The following TMCC1 variants were observed in gnomAD, a reference collection of about 807,000 sequenced individuals.
TMCC1 encodes transmembrane and coiled-coil domain family 1.
A neutral mutation model predicts 52.4 loss-of-function variants in TMCC1; 15 were observed. That is an observed-to-expected ratio of 0.29 (90% confidence interval 0.19 to 0.44). The LOEUF (loss-of-function observed/expected upper bound fraction) is 0.44. TMCC1 is among the 20% of genes least tolerant of loss of function. The pLI is 1.00. For missense variants in TMCC1, 503 were observed against 806.0 expected (o/e 0.62, Z 4.55); for synonymous variants, 279 against 301.9 (o/e 0.92, Z 0.79).
intron 2 of TMCC1, among the ~76,000 whole-genome samples, chr3:129,846,867 TAAAAAA>T (rs34419693): frequency 9.6e-5 from 4 of 41,882 alleles, no homozygotes; most frequent in African/African-American, 3.0e-4. Flanking sequence ...CAATCTCTAC[TAAAAAA>T]AAAAAAAAAA....
intron 2 of TMCC1, among the ~76,000 whole-genome samples, chr3:129,877,624 C>CTTT (rs760525326): frequency 2.0e-4 from 25 of 126,930 alleles, no homozygotes; most frequent in East Asian, 5.1e-4. Flanking sequence ...ATCCCTAAGT[C>CTTT]TTTTTTTTTT....
intron 2 of TMCC1, among the ~76,000 whole-genome samples, chr3:129,849,600 T>TA (rs1324056827): frequency 1.3e-5 from 2 of 151,196 alleles, no homozygotes; most frequent in East Asian, 3.9e-4. Flanking sequence ...CCCTCTCAAC[T>TA]AAAAAAATAC....
chr3:129,866,585 C>T (rs2060661817), intron 2 of TMCC1, among the ~76,000 whole-genome samples: 1 of 151,844 alleles, frequency 6.6e-6, no homozygotes, highest in African/African-American at 2.4e-5. Flanking sequence ...CCATGTTGGT[C>T]AGGCTGGTCT....
At chr3:129,883,687 A>C in intron 1 of TMCC1, among the ~76,000 whole-genome samples, 1 of 152,178 alleles carries the variant, frequency 6.6e-6, no homozygotes, top group Admixed American at 6.5e-5. Context: ...TAAAAAAAAT[A>C]TATTTTTTGG....
chr3:129,813,435 A>G (rs561325832), intron 4 of TMCC1, among the ~76,000 whole-genome samples: 38 of 152,330 alleles, frequency 2.5e-4, no homozygotes, highest in African/African-American at 8.4e-4. Context: ...TAGACTGGAT[A>G]AAGAAAATGT....
At chr3:129,654,037 C>T (rs2871630) in intron 6 of TMCC1, among the ~76,000 whole-genome samples, 146,998 of 151,926 alleles carry the variant, frequency 0.97, 71,286 homozygotes, top group East Asian at 1. Context: ...CCCAACCCCC[C>T]CAAAAAAAGT....
chr3:129,886,574 A>T (rs1423447217), intron 1 of TMCC1, among the ~76,000 whole-genome samples: 1 of 152,220 alleles, frequency 6.6e-6, no homozygotes, highest in Non-Finnish European at 1.5e-5. Flanking sequence ...CTATGCCATA[A>T]GAAAGGAATG....
rs1333635780 is a variant in TMCC1, at chr3:129,715,836, CTTA to C, written c.577-44575_577-44573del. On this transcript the variant is annotated intron_variant, in intron 4 of 6. Coordinates refer to ENST00000393238, the MANE Select transcript of TMCC1 (RefSeq NM_001017395.5). ...TTGAGTGGCCAGTCACTGTTTCATT[CTTA>C]TTATATTAAATGAGTTTATATTTAT... is the stretch of plus-strand genomic sequence containing the variant. 2.6e-5 allele frequency among the ~76,000 whole-genome samples: 4 copies of C among 152,240 alleles called. 1 individual carries two copies. The highest frequency in any genetic ancestry group is 1.9e-4 in the East Asian group (1 of 5,186).
At position 129,671,375 on chromosome 3, in the gene TMCC1, C is replaced by T; in HGVS notation, c.577-111G>A. ...TCTACTCTCAAATCTCAGTAGATAA[C>T]TGACCTATAATTCCCCCTTGTCCTA... On this transcript the variant is annotated intron_variant, in intron 4 of 6. Transcript: ENST00000393238. 4 of 1,156,940 alleles carry T rather than the reference C, an allele frequency of 3.5e-6. No homozygotes were observed. In the South Asian group the frequency reaches 4.9e-5, roughly 14 times the overall value. The allele number at this position is 1,156,940 out of a possible 1,614,324, so 71.7% of individuals were successfully genotyped here. A position where few individuals can be genotyped will look rare whatever the true frequency, so the allele number is the denominator to read the frequency against.
At chr3:129,669,512 G>A (rs1436358519) in intron 5 of TMCC1, among the ~76,000 whole-genome samples, 1 of 150,672 alleles carries the variant, frequency 6.6e-6, no homozygotes, top group Non-Finnish European at 1.5e-5. Flanking sequence ...TCGGCTCACC[G>A]CAACCTCCAC....
At chr3:129,835,414 C>T (rs1014352518) in intron 2 of TMCC1, among the ~76,000 whole-genome samples, 1 of 152,008 alleles carries the variant, frequency 6.6e-6, no homozygotes, top group African/African-American at 2.4e-5. Context: ...GCTGAACCAG[C>T]CCCACCTAGC....
chr3:129,698,066 T>C (rs1489909309), intron 4 of TMCC1, among the ~76,000 whole-genome samples: 1 of 152,204 alleles, frequency 6.6e-6, no homozygotes, highest in East Asian at 1.9e-4. Flanking sequence ...CATTTTTGGG[T>C]ATCTTAATAG....
intron 4 of TMCC1, among the ~76,000 whole-genome samples, chr3:129,744,807 A>G (rs2030979659): frequency 6.6e-6 from 1 of 152,220 alleles, no homozygotes; most frequent in Non-Finnish European, 1.5e-5. Flanking sequence ...AGAGGATGAG[A>G]AACTTACTCA....
intron 4 of TMCC1, among the ~76,000 whole-genome samples, chr3:129,725,360 T>C (rs1163834076): frequency 2.0e-5 from 3 of 152,174 alleles, no homozygotes; most frequent in Non-Finnish European, 4.4e-5. Flanking sequence ...CCTCCTGCCT[T>C]GGCCTCCTAG....
intron 5 of TMCC1, among the ~76,000 whole-genome samples, chr3:129,656,137 T>G (rs562290870): frequency 2.0e-5 from 3 of 152,188 alleles, no homozygotes; most frequent in African/African-American, 7.2e-5. Context: ...CTTCTCATAG[T>G]GGTGAAGAAG....
intron 4 of TMCC1, among the ~76,000 whole-genome samples, chr3:129,728,011 G>C (rs1290237897): frequency 3.3e-5 from 5 of 152,184 alleles, no homozygotes; most frequent in Non-Finnish European, 2.9e-5. Flanking sequence ...TGTGAGTGAG[G>C]CTATTTGGAC....
chr3:129,690,511 T>C (rs1441977336), intron 4 of TMCC1, among the ~76,000 whole-genome samples: 1 of 152,236 alleles, frequency 6.6e-6, no homozygotes. Flanking sequence ...CTTCTCTTTC[T>C]GAACACACAT....
rs1444645382 is a variant in TMCC1, at chr3:129,827,884, G to A, written c.495C>T (p.Ser165=). ...CACAAGCTATTTCCATCATAGCAGA[G>A]CTGGTAGGTGCATCAGTTGTGGATG... is the stretch of plus-strand genomic sequence containing the variant. ...RSSSTTDAPT[S]SAMMEIACAA... is the part of the protein sequence containing the mutation. Residue 165 remains serine (S), a synonymous_variant, in exon 4 of 7, where the codon AGC becomes AGT. Coordinates refer to ENST00000393238, the MANE Select transcript of TMCC1 (RefSeq NM_001017395.5). The A allele has an allele frequency of 6.2e-7, 1 of 1,614,106 alleles. No individual in the cohort carries two copies. Among genetic ancestry groups the A allele is most frequent in the Admixed American group, 1.7e-5 (1 of 60,002 alleles).
chr3:129,744,407 C>T (rs897598159), intron 4 of TMCC1, among the ~76,000 whole-genome samples: 3 of 152,128 alleles, frequency 2.0e-5, no homozygotes, highest in Non-Finnish European at 2.9e-5. Context: ...CCTAACTCAG[C>T]GTCCGAAAGC....
Sources: gnomAD v4.1 joint callset for allele counts (sites outside exome capture counted in the v4.1 genomes callset) on GRCh38, gnomAD v4.1.1 for gene constraint, MANE v1.5 for transcripts, NCBI Gene and HGNC (gene_info 2026-07-23, HGNC 2026-07-21) for gene names.